Variants in ALK observed in about 807,000 individuals in gnomAD.
ALK encodes ALK tyrosine kinase receptor.
A neutral mutation model predicts 163.1 loss-of-function variants in ALK; 74 were observed. That is an observed-to-expected ratio of 0.45 (90% CI 0.38 to 0.55). ALK has a LOEUF of 0.55. ALK is among the 20% of genes least tolerant of loss of function. The pLI is 0.00. For synonymous variants in ALK, 960 were observed against 843.2 expected (o/e 1.14, Z -2.40); for missense variants, 2,063 against 2,105.3 (o/e 0.98, Z 0.39).
intron 1 of ALK, among the ~76,000 whole-genome samples, chr2:29,787,961 G>A (rs1572379529): frequency 6.6e-6 from 1 of 152,158 alleles, no homozygotes; most frequent in East Asian, 1.9e-4. Context: ...GGTTAGGTGT[G>A]GCACATAGAC....
chr2:29,648,114 G>A (rs764964969), intron 3 of ALK, among the ~76,000 whole-genome samples: 4 of 152,098 alleles, frequency 2.6e-5, no homozygotes, highest in Non-Finnish European at 2.9e-5. Flanking sequence ...TTCTCTGCAC[G>A]CTGTTTTGCA....
intron 5 of ALK, among the ~76,000 whole-genome samples, chr2:29,348,837 T>C (rs535104700): frequency 2.8e-4 from 42 of 152,342 alleles, no homozygotes; most frequent in Admixed American, 2.7e-3. Context: ...TATTATGTTA[T>C]CAGTGTTCAC....
intron 9 of ALK, among the ~76,000 whole-genome samples, chr2:29,280,675 G>A (rs1489196203): frequency 6.6e-6 from 1 of 150,916 alleles, no homozygotes; most frequent in Non-Finnish European, 1.5e-5. Context: ...GGGACCAAGG[G>A]AAAGTTCTAG....
Position 29,919,936 on chromosome 2 carries a change from C to T in ALK, c.667+57G>A, listed in dbSNP as rs541329220. ...GGAAGTGAAGATTATTTAATGGTTG[C>T]ATATCAATGTGACTAAAAACACTAA... On this transcript the variant is annotated intron_variant, in intron 1 of 28. Coordinates refer to ENST00000389048, the MANE Select transcript of ALK (RefSeq NM_004304.5). 4.4e-5 allele frequency: 69 copies of T among 1,583,584 alleles called. No homozygotes were observed. In the East Asian group the frequency reaches 1.4e-3, roughly 33 times the overall value.
intron 1 of ALK, among the ~76,000 whole-genome samples, chr2:29,749,905 T>C (rs889347834): frequency 1.8e-4 from 28 of 152,274 alleles, no homozygotes; most frequent in African/African-American, 6.7e-4. Context: ...TAATCAGAAG[T>C]GCAGTGCTCC....
At chr2:29,458,907 A>G (rs1017915421) in intron 4 of ALK, among the ~76,000 whole-genome samples, 2 of 152,178 alleles carry the variant, frequency 1.3e-5, no homozygotes, top group Non-Finnish European at 2.9e-5. Context: ...GTAGGTGCAC[A>G]TCTACCCAAG....
intron 4 of ALK, among the ~76,000 whole-genome samples, chr2:29,487,764 A>G (rs1266405885): frequency 1.3e-5 from 2 of 152,160 alleles, no homozygotes; most frequent in East Asian, 3.9e-4. Context: ...CATTTAATTT[A>G]CCACCCATTT....
intron 1 of ALK, among the ~76,000 whole-genome samples, chr2:29,825,575 T>A (rs1171207250): frequency 6.6e-6 from 1 of 151,994 alleles, no homozygotes; most frequent in East Asian, 1.9e-4. Flanking sequence ...GGAGAGTAGG[T>A]TGGAGGCAGA....
chr2:29,827,875 A>T (rs111527527), intron 1 of ALK, among the ~76,000 whole-genome samples: 3 of 152,242 alleles, frequency 2.0e-5, no homozygotes, highest in Non-Finnish European at 4.4e-5. Flanking sequence ...CCTAAGCCAA[A>T]AGAAGAAAGC....
intron 26 of ALK, among the ~76,000 whole-genome samples, chr2:29,202,101 C>T (rs1160350328): frequency 2.0e-5 from 3 of 152,150 alleles, no homozygotes; most frequent in Non-Finnish European, 2.9e-5. Flanking sequence ...GCCCTGGGCT[C>T]CCTTAGCTCC....
chr2:29,238,804 T>A (rs1664446433), intron 13 of ALK, among the ~76,000 whole-genome samples: 1 of 152,142 alleles, frequency 6.6e-6, no homozygotes. Context: ...GCTAGTAGAT[T>A]GATTAATAAA....
At chr2:29,340,695 G>A (rs1479086577) in intron 5 of ALK, among the ~76,000 whole-genome samples, 2 of 152,200 alleles carry the variant, frequency 1.3e-5, no homozygotes, top group Non-Finnish European at 2.9e-5. Flanking sequence ...AAACCACCTA[G>A]TGCTAGAAAA....
At chr2:29,200,738 T>C (rs1399623320) in intron 26 of ALK, among the ~76,000 whole-genome samples, 4 of 142,454 alleles carry the variant, frequency 2.8e-5, no homozygotes, top group East Asian at 2.1e-4. Context: ...TGTATATATA[T>C]ACGTATATAT....
At chr2:29,675,048 A>G (rs1180340964) in intron 3 of ALK, among the ~76,000 whole-genome samples, 1 of 151,370 alleles carries the variant, frequency 6.6e-6, no homozygotes. Context: ...TATTGCGTCT[A>G]TTTGATTCTT....
intron 1 of ALK, among the ~76,000 whole-genome samples, chr2:29,814,501 A>C (rs934176770): frequency 2.0e-5 from 3 of 151,996 alleles, no homozygotes; most frequent in Admixed American, 6.6e-5. Flanking sequence ...TCTACTAAAA[A>C]TACAAAAAAT....
Position 29,800,914 on chromosome 2 carries a change from G to A in ALK, c.668-83217C>T, listed in dbSNP as rs147379450. Among the ~76,000 whole-genome samples the A allele has an allele frequency of 1.5e-3, 229 of 152,302 alleles. 1 individual carries two copies. Among genetic ancestry groups the A allele is most frequent in the African/African-American group, 5.3e-3 (220 of 41,560 alleles). ...ACAGATCAGAGCCACGCCGCTAAGC[G>A]TGCCCATGCTCCTCTCTCCCTCCTG... On this transcript the variant is annotated intron_variant, in intron 1 of 28. Transcript: ENST00000389048.
chr2:29,732,467 TCCTG>T (rs1679772144), intron 1 of ALK, among the ~76,000 whole-genome samples: 1 of 152,202 alleles, frequency 6.6e-6, no homozygotes, highest in Non-Finnish European at 1.5e-5. Flanking sequence ...TGTGAGGTTT[TCCTG>T]CCTGAGGTAA....
At chr2:29,779,528 C>A in intron 1 of ALK, among the ~76,000 whole-genome samples, 1 of 152,212 alleles carries the variant, frequency 6.6e-6, no homozygotes, top group East Asian at 1.9e-4. Context: ...TCTTCACCAG[C>A]AATACGGACT....
At chr2:29,710,695 A>T (rs972752975) in intron 2 of ALK, among the ~76,000 whole-genome samples, 1 of 152,152 alleles carries the variant, frequency 6.6e-6, no homozygotes, top group Non-Finnish European at 1.5e-5. Context: ...TATTTTTAGT[A>T]GAGACAGGGT....
Sources: gnomAD v4.1 joint callset for allele counts (sites outside exome capture counted in the v4.1 genomes callset) on GRCh38, gnomAD v4.1.1 for gene constraint, MANE v1.5 for transcripts, NCBI Gene and HGNC (gene_info 2026-07-23, HGNC 2026-07-21) for gene names.